The following GRIA2 variants were observed in gnomAD, a reference collection of about 807,000 sequenced individuals.
GRIA2 encodes the protein glutamate receptor 2.
A neutral mutation model predicts 97.3 loss-of-function variants in GRIA2; 14 were observed. The observed-to-expected ratio is 0.14, with a 90% CI of 0.10 to 0.23. The LOEUF (loss-of-function observed/expected upper bound fraction) is 0.23, where lower values mean the gene tolerates loss of function less well. Ranked by LOEUF, GRIA2 falls within the 10% of genes least tolerant of loss-of-function variation. The pLI is 1.00. For missense variants in GRIA2, 558 were observed against 1,069.8 expected, an observed-to-expected ratio of 0.52 and a Z score of 6.67; for synonymous variants, 412 against 387.8, an observed-to-expected ratio of 1.06 and a Z score of -0.73.
chr4:157,278,596 T>C (rs1297737214), intron 2 of GRIA2, among the ~76,000 whole-genome samples: 1 of 152,002 alleles, frequency 6.6e-6, no homozygotes, highest in Non-Finnish European at 1.5e-5. Flanking sequence ...AAAGGCACAG[T>C]CTATGAAAGA....
chr4:157,281,416 A>G (rs1732589423), intron 2 of GRIA2, among the ~76,000 whole-genome samples: 1 of 152,050 alleles, frequency 6.6e-6, no homozygotes, highest in South Asian at 2.1e-4. Context: ...TATTTCCCAT[A>G]AAAAATCATT....
chr4:157,308,898 A>C (rs1733954116), intron 3 of GRIA2, among the ~76,000 whole-genome samples: 1 of 152,194 alleles, frequency 6.6e-6, no homozygotes, highest in Non-Finnish European at 1.5e-5. Context: ...TTTCAAATTT[A>C]AAAATGGTAT....
chr4:157,308,326 G>T (rs1169772245), intron 3 of GRIA2, among the ~76,000 whole-genome samples: 2 of 152,136 alleles, frequency 1.3e-5, no homozygotes, highest in African/African-American at 4.8e-5. Context: ...GTAACAATAG[G>T]CACATGAAGA....
intron 2 of GRIA2, among the ~76,000 whole-genome samples, chr4:157,283,291 A>G (rs889164390): frequency 6.6e-6 from 1 of 151,956 alleles, no homozygotes; most frequent in Non-Finnish European, 1.5e-5. Flanking sequence ...TTGCAGACCA[A>G]TGCAAAGTCA....
At chr4:157,280,736 C>A (rs1003355070) in intron 2 of GRIA2, among the ~76,000 whole-genome samples, 30 of 152,008 alleles carry the variant, frequency 2.0e-4, no homozygotes, top group African/African-American at 7.2e-4. Flanking sequence ...GCTTATCATT[C>A]CTCTGCTTGT....
At chr4:157,266,734 C>T (rs939508990) in intron 2 of GRIA2, among the ~76,000 whole-genome samples, 4 of 151,976 alleles carry the variant, frequency 2.6e-5, no homozygotes, top group Non-Finnish European at 5.9e-5. Context: ...GTTGTTCTAT[C>T]TTTTGAGAGA....
At chr4:157,295,736 T>A (rs943578822) in intron 2 of GRIA2, among the ~76,000 whole-genome samples, 1 of 152,138 alleles carries the variant, frequency 6.6e-6, no homozygotes, top group East Asian at 1.9e-4. Context: ...AAGAGAACAT[T>A]GTATTTACCT....
intron 6 of GRIA2, among the ~76,000 whole-genome samples, chr4:157,324,052 T>C (rs185946361): frequency 8.5e-4 from 130 of 152,336 alleles, no homozygotes; most frequent in African/African-American, 3.1e-3. Flanking sequence ...ATTCCCAGGT[T>C]GCTGTGAGGA....
At chr4:157,225,822 A>C (rs1028771631) in intron 2 of GRIA2, among the ~76,000 whole-genome samples, 2 of 151,950 alleles carry the variant, frequency 1.3e-5, no homozygotes, top group East Asian at 3.9e-4. Context: ...TTTTGTGAAA[A>C]TAGTAACTTT....
intron 2 of GRIA2, among the ~76,000 whole-genome samples, chr4:157,258,832 A>G (rs1731397434): frequency 6.6e-6 from 1 of 152,074 alleles, no homozygotes; most frequent in South Asian, 2.1e-4. Flanking sequence ...AAAATAGAAA[A>G]GGACCCACGT....
chr4:157,222,439 G>A (rs1729540843), intron 2 of GRIA2, among the ~76,000 whole-genome samples: 1 of 152,222 alleles, frequency 6.6e-6, no homozygotes, highest in Non-Finnish European at 1.5e-5. Flanking sequence ...CGAGGAGCGG[G>A]GCTGACGCAG....
At chr4:157,329,105 T>TA (rs1381001482) in intron 6 of GRIA2, among the ~76,000 whole-genome samples, 1 of 151,994 alleles carries the variant, frequency 6.6e-6, no homozygotes, top group Non-Finnish European at 1.5e-5. Flanking sequence ...GACAAGTGAA[T>TA]AATTTTAAGT....
At position 157,321,566 on chromosome 4, in the gene GRIA2, A is replaced by G. The variant is rs1734568287; in HGVS notation, c.849A>G (p.Lys283=). 1 of 1,611,310 alleles carries G rather than the reference A, an allele frequency of 6.2e-7. No homozygotes were observed. Among genetic ancestry groups the G allele is most frequent in the Non-Finnish European group, 8.5e-7 (1 of 1,177,770 alleles). ...AAAGATGGTCAACACTGGAAGAAAA[A>G]GAATACCCTGGAGCTCACACAACAA... The part of the protein sequence containing the change: ...FIERWSTLEE[K]EYPGAHTTTI... Residue 283 remains lysine (K), a synonymous_variant, in exon 6 of 16, where the codon AAA becomes AAG. Transcript: ENST00000264426.
intron 2 of GRIA2, among the ~76,000 whole-genome samples, chr4:157,256,800 A>C (rs2126757601): frequency 6.6e-6 from 1 of 152,108 alleles, no homozygotes; most frequent in Admixed American, 6.6e-5. Context: ...TGACATCTGG[A>C]TATCTAGAAG....
At chr4:157,256,075 C>A (rs554524031) in intron 2 of GRIA2, among the ~76,000 whole-genome samples, 2 of 144,498 alleles carry the variant, frequency 1.4e-5, no homozygotes, top group Non-Finnish European at 3.1e-5. Context: ...TAATACATAT[C>A]TATAGGTACC....
chr4:157,347,042 A>G (rs1735793903), intron 12 of GRIA2, among the ~76,000 whole-genome samples: 1 of 152,190 alleles, frequency 6.6e-6, no homozygotes, highest in Non-Finnish European at 1.5e-5. Context: ...TAGCTGGGTT[A>G]ACAATACAGG....
chr4:157,360,829 C>T, intron 13 of GRIA2, 181 bp from the exon 14 acceptor site: 1 of 663,262 alleles, frequency 1.5e-6, no homozygotes, highest in South Asian at 1.6e-5. Context: ...GCTCTACCAC[C>T]TTACCCAAAG....
At chr4:157,355,193 T>A (rs1249887060) in intron 12 of GRIA2, among the ~76,000 whole-genome samples, 1 of 152,154 alleles carries the variant, frequency 6.6e-6, no homozygotes, top group African/African-American at 2.4e-5. Context: ...TATACTTGCT[T>A]AAAGAATGAT....
intron 12 of GRIA2, among the ~76,000 whole-genome samples, chr4:157,353,211 G>C (rs1736093814): frequency 6.6e-6 from 1 of 151,958 alleles, no homozygotes; most frequent in Non-Finnish European, 1.5e-5. Flanking sequence ...AATTAGACCA[G>C]CGTGGTGGCG....
Sources: gnomAD v4.1 joint callset for allele counts (sites outside exome capture counted in the v4.1 genomes callset) on GRCh38, gnomAD v4.1.1 for gene constraint, MANE v1.5 for transcripts, NCBI Gene and HGNC (gene_info 2026-07-23, HGNC 2026-07-21) for gene names.